Variants in ATXN1 observed in about 807,000 individuals in gnomAD.
The protein encoded by ATXN1 is ataxin-1.
Under a neutral mutation model 56.4 loss-of-function variants are expected in ATXN1, and 8 were observed. That is an observed-to-expected ratio of 0.14 (90% CI 0.08 to 0.26). The LOEUF is 0.26. ATXN1 is among the 10% of genes least tolerant of loss of function. ATXN1 has a pLI of 1.00. For synonymous variants in ATXN1, 514 were observed against 494.6 expected (o/e 1.04, Z -0.52); for missense variants, 987 against 1,106.5 (o/e 0.89, Z 1.53).
intron 1 of ATXN1, among the ~76,000 whole-genome samples, chr6:16,757,356 T>C (rs1561841832): frequency 1.3e-5 from 2 of 152,248 alleles, no homozygotes; most frequent in Non-Finnish European, 1.5e-5. Context: ...AAATATATGT[T>C]CACATTTTAC....
chr6:16,542,795 A>G (rs1050898325), intron 4 of ATXN1, among the ~76,000 whole-genome samples: 1 of 152,196 alleles, frequency 6.6e-6, no homozygotes, highest in Admixed American at 6.5e-5. Context: ...TACACCCATG[A>G]TAGAGTTTAA....
At chr6:16,745,482 A>G (rs1329563493) in intron 2 of ATXN1, among the ~76,000 whole-genome samples, 2 of 152,242 alleles carry the variant, frequency 1.3e-5, no homozygotes, top group Non-Finnish European at 2.9e-5. Flanking sequence ...AAAAAAAGAT[A>G]TAAGTTACAT....
chr6:16,627,318 G>C (rs998154278), intron 3 of ATXN1, among the ~76,000 whole-genome samples: 7 of 152,162 alleles, frequency 4.6e-5, no homozygotes, highest in African/African-American at 1.7e-4. Flanking sequence ...GTGAGAGATG[G>C]CACAGAGGTG....
intron 6 of ATXN1, among the ~76,000 whole-genome samples, chr6:16,432,170 T>C (rs1049590058): frequency 2.6e-5 from 4 of 152,252 alleles, no homozygotes; most frequent in African/African-American, 9.6e-5. Flanking sequence ...ATTTCCTCTG[T>C]CACTGGTTAT....
At chr6:16,465,467 A>C (rs986145884) in intron 6 of ATXN1, among the ~76,000 whole-genome samples, 2 of 152,112 alleles carry the variant, frequency 1.3e-5, no homozygotes, top group Admixed American at 1.3e-4. Context: ...CCAAAAACAA[A>C]ACAAAACAAA....
intron 6 of ATXN1, among the ~76,000 whole-genome samples, chr6:16,473,662 G>A (rs1434607320): frequency 6.6e-6 from 1 of 152,174 alleles, no homozygotes; most frequent in East Asian, 1.9e-4. Flanking sequence ...GGACATTGGA[G>A]TCTGGCAGGA....
At chr6:16,390,167 G>A (rs149693630) in intron 6 of ATXN1, among the ~76,000 whole-genome samples, 192 of 152,286 alleles carry the variant, frequency 1.3e-3, no homozygotes, top group African/African-American at 4.4e-3. Context: ...CCACCCTACT[G>A]CTACTAGTAC....
chr6:16,443,159 G>A (rs1759553230), intron 6 of ATXN1, among the ~76,000 whole-genome samples: 1 of 142,550 alleles, frequency 7.0e-6, no homozygotes, highest in Non-Finnish European at 1.5e-5. Flanking sequence ...TCCAGCCTGG[G>A]TGACAAAGTG....
At chr6:16,378,124 G>T (rs190304322) in intron 6 of ATXN1, among the ~76,000 whole-genome samples, 136 of 152,286 alleles carry the variant, frequency 8.9e-4, no homozygotes, top group Non-Finnish European at 1.6e-3. Context: ...GCTTCCCTTT[G>T]TCTATGCCAG....
intron 2 of ATXN1, chr6:16,737,284 T>A (rs1300367380): frequency 6.6e-6 from 1 of 152,210 alleles, no homozygotes; most frequent in Non-Finnish European, 1.5e-5. Flanking sequence ...GGAAGTAAAG[T>A]TCCTGACCCA....
intron 2 of ATXN1, among the ~76,000 whole-genome samples, chr6:16,677,340 C>T (rs3812192): frequency 0.4 from 60,487 of 151,978 alleles, 12,543 homozygotes; most frequent in Non-Finnish European, 0.46. Flanking sequence ...GAAAATCCCA[C>T]GTAGGTAAGA....
At chr6:16,743,668 C>T (rs1222739006) in intron 2 of ATXN1, among the ~76,000 whole-genome samples, 2 of 152,098 alleles carry the variant, frequency 1.3e-5, no homozygotes, top group African/African-American at 4.8e-5. Context: ...TATGGGAACC[C>T]AGAAAAGGTA....
intron 6 of ATXN1, among the ~76,000 whole-genome samples, chr6:16,352,733 A>G (rs1761596229): frequency 1.3e-5 from 2 of 152,256 alleles, no homozygotes; most frequent in Admixed American, 1.3e-4. Context: ...GGGTTCCTGA[A>G]ACCCACTGGA....
At chr6:16,750,968 C>CTTT (rs35690453) in intron 2 of ATXN1, among the ~76,000 whole-genome samples, 8 of 135,866 alleles carry the variant, frequency 5.9e-5, no homozygotes, top group Non-Finnish European at 7.9e-5. Context: ...TCTTTCCTCT[C>CTTT]TTTTTTTTTT....
chr6:16,571,029 C>G (rs990166764), intron 4 of ATXN1, among the ~76,000 whole-genome samples: 1 of 152,138 alleles, frequency 6.6e-6, no homozygotes, highest in Non-Finnish European at 1.5e-5. Context: ...ATTTCCCAAT[C>G]CTTATGGAGC....
intron 6 of ATXN1, among the ~76,000 whole-genome samples, chr6:16,347,131 G>C (rs569292686): frequency 6.6e-6 from 1 of 152,216 alleles, no homozygotes; most frequent in Non-Finnish European, 1.5e-5. Flanking sequence ...CTGCCCCTCC[G>C]TGGGCTCCTG....
intron 4 of ATXN1, among the ~76,000 whole-genome samples, chr6:16,564,319 A>C (rs1387642157): frequency 1.3e-5 from 2 of 152,034 alleles, no homozygotes; most frequent in Non-Finnish European, 1.5e-5. Flanking sequence ...AAATGAAAAA[A>C]AAATCACTTA....
chr6:16,636,467 C>T (rs1763599293), intron 3 of ATXN1, among the ~76,000 whole-genome samples: 1 of 152,218 alleles, frequency 6.6e-6, no homozygotes, highest in Non-Finnish European at 1.5e-5. Flanking sequence ...CTGGGACAGG[C>T]CCTCATGTCT....
chr6:16,327,230 C>T lies in ATXN1; in HGVS notation c.1081G>A (p.Val361Met), dbSNP rs745873888. The T allele has an allele frequency of 8.1e-6, 13 of 1,613,374 alleles. No homozygotes were observed. Among genetic ancestry groups the T allele is most frequent in the South Asian group, 4.4e-5 (4 of 91,074 alleles). ...SVPHPYESRHVVVHPSPSDYS... is the reference protein window; with the variant it reads ...SVPHPYESRHMVVHPSPSDYS... ...TCTGAGGGGCTCGGGTGGACCACCA[C>T]GTGCCTGGACTCGTACGGGTGAGGA... Residue 361 changes from valine (V) to methionine (M), a missense_variant, in exon 7 of 8, where the codon GTG (valine) becomes ATG (methionine). Around this residue, in one of 3 missense-constraint regions of ATXN1, gnomAD observed 723 missense variants for 791.7 expected, o/e 0.91. Transcript: ENST00000436367.
Sources: gnomAD v4.1 joint callset for allele counts (sites outside exome capture counted in the v4.1 genomes callset) on GRCh38, gnomAD v4.1.1 for gene constraint, gnomAD v4.1.1 regional missense constraint, MANE v1.5 for transcripts, NCBI Gene and HGNC (gene_info 2026-07-23, HGNC 2026-07-21) for gene names.